Variants in TTC17 observed in about 807,000 individuals in gnomAD.
TTC17 encodes the protein tetratricopeptide repeat protein 17.
TTC17 carries 58 observed loss-of-function variants against 143.8 expected under a neutral mutation model. That is an observed-to-expected ratio of 0.40 (90% confidence interval 0.33 to 0.50). TTC17 has a LOEUF of 0.50. TTC17 is among the 20% of genes least tolerant of loss of function. The pLI is 0.49. For synonymous variants in TTC17, 501 were observed against 497.8 expected (o/e 1.01, Z -0.09); for missense variants, 1,273 against 1,392.5 (o/e 0.91, Z 1.37).
chr11:43,485,885 T>G (rs1398147505), intron 21 of TTC17, among the ~76,000 whole-genome samples: 3 of 65,688 alleles, frequency 4.6e-5, no homozygotes, highest in South Asian at 7.0e-4. Context: ...GGTTTTTTGT[T>G]TTTTTTTTTT....
rs996129532 is a variant in TTC17, at chr11:43,396,796, C to A, written c.751C>A (p.Arg251=). Reference sequence around the variant, plus strand: ...ATATCAGGTAGTAGAATGTGCCATGCGAGCACTTCACTTCTCTTCCAGGTA... The same window carrying A: ...ATATCAGGTAGTAGAATGTGCCATGAGAGCACTTCACTTCTCTTCCAGGTA... The part of the protein sequence containing the change: ...EPYQVVECAM[R]ALHFSSRHNK... Residue 251 remains arginine (R), a synonymous_variant, in exon 6 of 24, where the codon CGA becomes AGA. Coordinates refer to ENST00000039989, the MANE Select transcript of TTC17 (RefSeq NM_018259.6). The A allele has an allele frequency of 1.9e-6, 3 of 1,607,766 alleles. No individual in the cohort carries two copies. In the African/African-American group the frequency reaches 4.0e-5, roughly 21 times the overall value.
intron 21 of TTC17, among the ~76,000 whole-genome samples, chr11:43,488,300 A>G (rs1948414122): frequency 6.6e-6 from 1 of 152,170 alleles, no homozygotes; most frequent in East Asian, 1.9e-4. Flanking sequence ...ATTAACAAAA[A>G]TGTTATTGAA....
Position 43,490,291 on chromosome 11 carries a change from A to T in TTC17, c.3083A>T (p.Lys1028Ile). ...SSMAALYWRVKGQGKKAIDCL... is the reference protein window; with the variant it reads ...SSMAALYWRVIGQGKKAIDCL... ...ATGGCAGCCCTCTACTGGAGGGTGA[A>T]AGGCCAAGGAAAGAAGGCAATCGAC... Residue 1028 changes from lysine to isoleucine, a missense_variant, in exon 22 of 24, where the codon AAA becomes ATA. This residue lies in a region of TTC17 where 878 missense variants were observed against 899.8 expected (regional missense o/e 0.98). Coordinates refer to ENST00000039989, the MANE Select transcript of TTC17 (RefSeq NM_018259.6). 6.2e-7 allele frequency: 1 copy of T among 1,613,060 alleles called. No homozygotes were observed.
chr11:43,408,959 T>C (rs1858274336), intron 15 of TTC17, among the ~76,000 whole-genome samples: 2 of 152,032 alleles, frequency 1.3e-5, no homozygotes, highest in Non-Finnish European at 2.9e-5. Flanking sequence ...CCAAGGCTGG[T>C]CTTGAACACC....
At chr11:43,447,714 A>G (rs1947574130) in intron 18 of TTC17, 2 of 262,886 alleles carry the variant, frequency 7.6e-6, no homozygotes, top group Non-Finnish European at 1.4e-5. Flanking sequence ...AAGAATGTTA[A>G]CATTGAAGAA....
intron 21 of TTC17, among the ~76,000 whole-genome samples, chr11:43,454,915 C>T (rs1359888240): frequency 1.3e-5 from 2 of 151,924 alleles, no homozygotes; most frequent in African/African-American, 4.8e-5. Flanking sequence ...ATAGCATAAT[C>T]AGTAAGGTAG....
At position 43,444,040 on chromosome 11, in the gene TTC17, T is replaced by C. The variant is rs752040870; in HGVS notation, c.2512-16T>C. On this transcript the variant is annotated splice_polypyrimidine_tract_variant and intron_variant, in intron 17 of 23. Coordinates refer to ENST00000039989, the MANE Select transcript of TTC17 (RefSeq NM_018259.6). ...TCACTGGTCTCATTTGTCCCTAACA[T>C]GTTTCTGTTTCCCAGATTACATTCC... The C allele has an allele frequency of 5.0e-6, 8 of 1,592,132 alleles. No individual in the cohort carries two copies. The highest frequency in any genetic ancestry group is 6.8e-6 in the Non-Finnish European group (8 of 1,172,820).
At chr11:43,411,428 C>T (rs957686762) in intron 15 of TTC17, among the ~76,000 whole-genome samples, 1 of 151,944 alleles carries the variant, frequency 6.6e-6, no homozygotes, top group Non-Finnish European at 1.5e-5. Flanking sequence ...GCACTCCCCC[C>T]GCCCCCCACA....
chr11:43,446,277 G>A (rs1947539346), intron 18 of TTC17: 1 of 818,208 alleles, frequency 1.2e-6, no homozygotes, highest in Non-Finnish European at 1.6e-6. Flanking sequence ...TCAAAATCAA[G>A]TGCCATCTCT....
Position 43,421,938 on chromosome 11 carries a change from A to T in TTC17, c.2251+7162A>T, listed in dbSNP as rs557773388. On this transcript the variant is annotated intron_variant, in intron 16 of 23. Coordinates refer to ENST00000039989, the MANE Select transcript of TTC17 (RefSeq NM_018259.6). ...TGCTGACTTGGAAGATTTTGAACAC[A>T]AGAGTGAAATGAACTGATTTACATC... is the stretch of plus-strand genomic sequence containing the variant. Among the ~76,000 whole-genome samples, 5 of 151,006 alleles carry T rather than the reference A, an allele frequency of 3.3e-5. No homozygotes were observed. In the East Asian group the frequency reaches 9.9e-4, roughly 30 times the overall value.
intron 2 of TTC17, among the ~76,000 whole-genome samples, chr11:43,387,057 T>G (rs1488924368): frequency 6.6e-6 from 1 of 152,144 alleles, no homozygotes; most frequent in Non-Finnish European, 1.5e-5. Context: ...ATGCTAAGAT[T>G]ATAGGCACAA....
chr11:43,425,110 A>C (rs1266088678), intron 16 of TTC17, among the ~76,000 whole-genome samples: 2 of 152,160 alleles, frequency 1.3e-5, no homozygotes, highest in Admixed American at 1.3e-4. Context: ...ATGTAATGTT[A>C]AGCTTTGCCA....
intron 21 of TTC17, among the ~76,000 whole-genome samples, chr11:43,479,653 G>A (rs1948249444): frequency 6.6e-6 from 1 of 152,168 alleles, no homozygotes; most frequent in African/African-American, 2.4e-5. Context: ...GGTACTGTCA[G>A]GAAAACAGAA....
At chr11:43,438,341 T>A (rs551333406) in intron 16 of TTC17, among the ~76,000 whole-genome samples, 30 of 152,300 alleles carry the variant, frequency 2.0e-4, no homozygotes, top group Admixed American at 7.2e-4. Context: ...TGTATTTTAG[T>A]GCAGATGGGG....
intron 1 of TTC17, among the ~76,000 whole-genome samples, chr11:43,361,012 G>C (rs1239247661): frequency 1.3e-5 from 2 of 152,164 alleles, no homozygotes; most frequent in Non-Finnish European, 2.9e-5. Context: ...GAAGAAATAA[G>C]GTTGGTGTCT....
At chr11:43,377,223 G>A (rs1856794422) in intron 1 of TTC17, among the ~76,000 whole-genome samples, 1 of 152,016 alleles carries the variant, frequency 6.6e-6, no homozygotes, top group Non-Finnish European at 1.5e-5. Context: ...AACCAGGGAG[G>A]CAGAGGTTGC....
intron 15 of TTC17, among the ~76,000 whole-genome samples, chr11:43,413,460 G>GA (rs1333349498): frequency 1.3e-5 from 2 of 151,686 alleles, no homozygotes; most frequent in East Asian, 3.9e-4. Flanking sequence ...AATTATAAAA[G>GA]AAAAAAATGA....
intron 2 of TTC17, among the ~76,000 whole-genome samples, chr11:43,382,261 C>G (rs940084316): frequency 6.6e-6 from 1 of 152,160 alleles, no homozygotes. Context: ...ACCCTCACTT[C>G]AGCTGAAAGA....
chr11:43,379,236 G>T lies in TTC17; in HGVS notation c.163G>T (p.Asp55Tyr). 1 of 1,611,614 alleles carries T rather than the reference G, an allele frequency of 6.2e-7. No homozygotes were observed. Among genetic ancestry groups the T allele is most frequent in the Non-Finnish European group, 8.5e-7 (1 of 1,179,310 alleles). The part of the protein sequence containing the change: ...TEDGKIQQQV[D>Y]SPMNLKHPHD... ...TTTATTTATTGCTTGCTTGCAGGTG[G>T]ATTCACCAATGAACTTGAAGCATCC... The change falls in exon 2 of 24, where the codon GAT becomes TAT. Residue 55 changes from aspartate to tyrosine, a missense_variant. Transcript: ENST00000039989.
Sources: allele counts gnomAD v4.1 joint callset (sites outside exome capture counted in the v4.1 genomes callset), GRCh38; gene constraint gnomAD v4.1.1; regional missense constraint gnomAD v4.1.1; transcripts MANE v1.5; gene names NCBI Gene and HGNC (gene_info 2026-07-23, HGNC 2026-07-21).